The following FAM13A variants were observed in gnomAD, a reference collection of about 807,000 sequenced individuals.
The protein encoded by FAM13A is family with sequence similarity 13 member A, also known as protein FAM13A.
Under a neutral mutation model 129.6 loss-of-function variants are expected in FAM13A, and 76 were observed. That is an observed-to-expected ratio of 0.59 (90% CI 0.49 to 0.71). FAM13A has a LOEUF of 0.71. FAM13A is among the 30% of genes least tolerant of loss of function. The pLI is 0.00. For missense variants in FAM13A, 1,108 were observed against 1,249.3 expected (o/e 0.89, Z 1.70); for synonymous variants, 443 against 449.9 (o/e 0.98, Z 0.20).
In FAM13A at chr4:88,897,061, G is replaced by A. The variant is rs572721003; in HGVS notation, c.843+9318C>T. The stretch of plus-strand genomic sequence containing the variant: ...CTCAGTTCATTGGATCCTCTTCAGG[G>A]TTTATATATTGAGCAAAGTAAATGG... On this transcript the variant is annotated intron_variant, in intron 6 of 23. Coordinates refer to ENST00000264344, the MANE Select transcript of FAM13A (RefSeq NM_014883.4). Among the ~76,000 whole-genome samples the A allele has an allele frequency of 9.2e-5, 14 of 152,264 alleles. No homozygotes were observed. The South Asian group carries it at 2.7e-3, about 29-fold the overall frequency.
intron 3 of FAM13A, among the ~76,000 whole-genome samples, chr4:88,992,781 A>G (rs929743899): frequency 1.3e-5 from 2 of 152,220 alleles, no homozygotes; most frequent in African/African-American, 4.8e-5. Context: ...GAAAATAAAA[A>G]TATTTTATAA....
intron 4 of FAM13A, among the ~76,000 whole-genome samples, chr4:88,980,896 A>G (rs991083596): frequency 6.6e-6 from 1 of 152,240 alleles, no homozygotes; most frequent in Non-Finnish European, 1.5e-5. Context: ...ATACCAGTAA[A>G]TTAAACTCTA....
intron 11 of FAM13A, among the ~76,000 whole-genome samples, chr4:88,780,258 T>A (rs546894117): frequency 6.6e-6 from 1 of 152,148 alleles, no homozygotes; most frequent in African/African-American, 2.4e-5. Context: ...TCCGAGCACA[T>A]GCAGAAATTG....
chr4:89,030,965 A>G (rs546155311), intron 1 of FAM13A, among the ~76,000 whole-genome samples: 4 of 152,154 alleles, frequency 2.6e-5, no homozygotes, highest in African/African-American at 7.2e-5. Context: ...TTTGAAAGCC[A>G]TATTTCTCCA....
At chr4:88,737,241 G>C (rs1236772171) in intron 21 of FAM13A, among the ~76,000 whole-genome samples, 1 of 152,136 alleles carries the variant, frequency 6.6e-6, no homozygotes, top group East Asian at 1.9e-4. Context: ...CAAAAAAGAG[G>C]GGGGGAATAA....
chr4:89,011,523 C>T (rs1418128025), intron 3 of FAM13A, among the ~76,000 whole-genome samples: 1 of 152,160 alleles, frequency 6.6e-6, no homozygotes, highest in Non-Finnish European at 1.5e-5. Context: ...CACTGCCTAA[C>T]ATACTGCTTC....
chr4:89,033,977 C>A (rs1769035240), intron 1 of FAM13A, among the ~76,000 whole-genome samples: 1 of 152,240 alleles, frequency 6.6e-6, no homozygotes, highest in Non-Finnish European at 1.5e-5. Context: ...TATAAAAATC[C>A]TGTAAGAAAC....
In FAM13A at chr4:88,946,554, A is replaced by T. The variant is rs530803978; in HGVS notation, c.606-8313T>A. 1.2e-3 allele frequency among the ~76,000 whole-genome samples: 176 copies of T among 152,108 alleles called. 2 individuals carry two copies. The highest frequency in any genetic ancestry group is 6.0e-4 in the Non-Finnish European group (41 of 67,992). On this transcript the variant is annotated intron_variant, in intron 4 of 23. Coordinates refer to ENST00000264344, the MANE Select transcript of FAM13A (RefSeq NM_014883.4). ...TACTTATTTGAAAATGTAGTAACAG[A>T]AAAGAAAATAAGGAATCTGTGCAGT...
At chr4:88,974,856 C>G (rs966437421) in intron 4 of FAM13A, among the ~76,000 whole-genome samples, 1 of 152,076 alleles carries the variant, frequency 6.6e-6, no homozygotes, top group Non-Finnish European at 1.5e-5. Context: ...CAAGCTAGTT[C>G]TCGGGCATAG....
intron 10 of FAM13A, among the ~76,000 whole-genome samples, chr4:88,785,304 T>A (rs1723747433): frequency 6.6e-6 from 1 of 152,170 alleles, no homozygotes; most frequent in Admixed American, 6.5e-5. Context: ...TTTTTCCTTA[T>A]TTTTTGAGTA....
At chr4:88,926,176 A>G (rs1752123152) in intron 5 of FAM13A, among the ~76,000 whole-genome samples, 1 of 152,126 alleles carries the variant, frequency 6.6e-6, no homozygotes, top group African/African-American at 2.4e-5. Context: ...CGAGGAGTAA[A>G]GCAGCTGGAA....
chr4:88,791,916 T>C (rs1417801684), intron 8 of FAM13A, among the ~76,000 whole-genome samples: 1 of 152,074 alleles, frequency 6.6e-6, no homozygotes, highest in East Asian at 1.9e-4. Context: ...GTACTCATTA[T>C]CCCAGAGGTG....
At chr4:88,848,617 A>C (rs1737068887) in intron 7 of FAM13A, among the ~76,000 whole-genome samples, 1 of 152,092 alleles carries the variant, frequency 6.6e-6, no homozygotes, top group Non-Finnish European at 1.5e-5. Flanking sequence ...CTTGCGCTGA[A>C]TTGCTCCAAA....
At chr4:89,009,283 C>T (rs1795738) in intron 3 of FAM13A, among the ~76,000 whole-genome samples, 123,205 of 152,158 alleles carry the variant, frequency 0.81, 50,284 homozygotes, top group Middle Eastern at 0.91. Context: ...TCTCTGATTA[C>T]AGATTAACTT....
chr4:88,921,375 G>C (rs1183668355), intron 5 of FAM13A, among the ~76,000 whole-genome samples: 2 of 152,214 alleles, frequency 1.3e-5, no homozygotes, highest in Admixed American at 1.3e-4. Context: ...CTACCAGCCA[G>C]AAGAGAGTGA....
intron 7 of FAM13A, among the ~76,000 whole-genome samples, chr4:88,826,956 G>C (rs1402834672): frequency 6.6e-6 from 1 of 152,134 alleles, no homozygotes; most frequent in Non-Finnish European, 1.5e-5. Context: ...CTTCTCAGCA[G>C]TCCTACCCTC....
intron 6 of FAM13A, among the ~76,000 whole-genome samples, chr4:88,874,961 G>T (rs998233098): frequency 6.6e-6 from 1 of 152,126 alleles, no homozygotes; most frequent in Non-Finnish European, 1.5e-5. Flanking sequence ...CAATGGAACA[G>T]AACAGAGGCC....
At chr4:88,738,586 TCA>T (rs1355693566) in intron 20 of FAM13A, among the ~76,000 whole-genome samples, 2 of 152,170 alleles carry the variant, frequency 1.3e-5, no homozygotes, top group Non-Finnish European at 2.9e-5. Flanking sequence ...CTCTCGTTTC[TCA>T]GAGGATTTTC....
At chr4:88,891,133 G>C (rs140984731) in intron 6 of FAM13A, among the ~76,000 whole-genome samples, 72 of 152,280 alleles carry the variant, frequency 4.7e-4, no homozygotes, top group African/African-American at 1.7e-3. Context: ...TTAGAAAAAA[G>C]GGACTTGGGC....
Sources: gnomAD v4.1 joint callset for allele counts (sites outside exome capture counted in the v4.1 genomes callset) on GRCh38, gnomAD v4.1.1 for gene constraint, MANE v1.5 for transcripts, NCBI Gene and HGNC (gene_info 2026-07-23, HGNC 2026-07-21) for gene names.